The following TTN variants were observed in gnomAD, a reference collection of about 807,000 sequenced individuals.
TTN encodes titin.
TTN carries 1,525 observed loss-of-function variants against 3,223.0 expected under a neutral mutation model. That is an observed-to-expected ratio of 0.47 (90% confidence interval 0.45 to 0.49). The LOEUF is 0.49. Ranked by LOEUF, TTN falls within the 20% of genes least tolerant of loss-of-function variation. TTN has a pLI of 0.00. For missense variants in TTN, 40,786 were observed against 43,424.0 expected (o/e 0.94, Z 5.40); for synonymous variants, 14,094 against 15,161.0 (o/e 0.93, Z 5.17).
In TTN at chr2:178,563,462, T is replaced by C. The variant is rs1704429643; in HGVS notation, c.82670A>G (p.Glu27557Gly). 1 of 1,613,478 alleles carries C rather than the reference T, an allele frequency of 6.2e-7. No homozygotes were observed. Among genetic ancestry groups the C allele is most frequent in the Admixed American group, 1.7e-5 (1 of 59,950 alleles). ...ENAAGVGEPSEPSVFYRACDA... is the reference protein window; with the variant it reads ...ENAAGVGEPSGPSVFYRACDA... ...ACACGCACGGTAGAAAACAGATGGCTCACTAGGTTCTCCCACACCAGCTGC... is the reference window on the plus strand; with the variant it reads ...ACACGCACGGTAGAAAACAGATGGCCCACTAGGTTCTCCCACACCAGCTGC... Residue 27557 changes from glutamate (E) to glycine (G), a missense_variant, in exon 326 of 363, where the codon GAG becomes GGG. By Grantham distance (98) the Glu-to-Gly change is moderately conservative (BLOSUM62 -2). Transcript: ENST00000589042. This position sits in a 1 kb window ranked among gnomAD's most constrained non-coding sequence, Gnocchi z 4.5.
chr2:178,535,896 A>G, intron 357 of TTN, 47 bp from the exon 358 acceptor site: 1 of 1,511,066 alleles, frequency 6.6e-7, no homozygotes, highest in East Asian at 2.3e-5. Context: ...GCAACATCTA[A>G]CAGTATGTGT....
At position 178,535,120 on chromosome 2, in the gene TTN, A is replaced by AT. The variant is rs1559044465; in HGVS notation, c.101494dup (p.Ile33832AsnfsTer7). 6.2e-7 allele frequency: 1 copy of AT among 1,613,842 alleles called. No individual in the cohort carries two copies. Among genetic ancestry groups the AT allele is most frequent in the Non-Finnish European group, 8.5e-7 (1 of 1,179,858 alleles). On this transcript the variant is annotated frameshift_variant, in exon 358 of 363. Coordinates refer to ENST00000589042, the MANE Select transcript of TTN (RefSeq NM_001267550.2). LOFTEE classifies it high-confidence loss of function. ...GGATGTTTCAACACAACGATGGACA[A>AT]TTCCAAACTCACCACGCCCAAGATC...
rs1396734649 is a variant in TTN, at chr2:178,530,693, CA to C, written c.105921del (p.Glu35308LysfsTer5). ...TCTTTTGCCCTTAATACACTGCTTTCAACCACACAGGTCAGTTTTGCAATCT... is the reference window on the plus strand; with the variant it reads ...TCTTTTGCCCTTAATACACTGCTTTCACCACACAGGTCAGTTTTGCAATCT... Reference protein sequence around the residue: ...SKEIAKLTCVVESSVLRAKEV... With the variant: ...SKEIAKLTCVXESSVLRAKEV... On this transcript the variant is annotated frameshift_variant, in exon 358 of 363. Transcript: ENST00000589042. LOFTEE classifies it high-confidence loss of function. 6.2e-7 allele frequency: 1 copy of C among 1,614,002 alleles called. No homozygotes were observed. The highest frequency in any genetic ancestry group is 1.1e-5 in the South Asian group (1 of 91,086).
At chr2:178,784,458 T>A in intron 15 of TTN, 107 bp from the exon 16 acceptor site, 1 of 1,357,820 alleles carries the variant, frequency 7.4e-7, no homozygotes, top group Non-Finnish European at 1.0e-6. Context: ...TTCTTTAATG[T>A]TCTCATTAGC....
rs1336202751 is a variant in TTN, at chr2:178,551,155, A to G, written c.91376T>C (p.Ile30459Thr). 3.1e-6 allele frequency: 5 copies of G among 1,613,574 alleles called. No individual in the cohort carries two copies. The highest frequency in any genetic ancestry group is 1.1e-5 in the South Asian group (1 of 91,070). ...GCGTTCATTTCCTTGCCGTTTCTCAATGCTATAGCCCACAATCTTACTGCC... is the reference window on the plus strand; with the variant it reads ...GCGTTCATTTCCTTGCCGTTTCTCAGTGCTATAGCCCACAATCTTACTGCC... ...DGGSKIVGYS[I>T]EKRQGNERWV... The change falls in exon 336 of 363, where the codon ATT (isoleucine) becomes ACT (threonine). Residue 30459 changes from isoleucine (I) to threonine (T), a missense_variant. Ile to Thr is a moderately conservative substitution (Grantham distance 89, BLOSUM62 -1). Coordinates refer to ENST00000589042, the MANE Select transcript of TTN (RefSeq NM_001267550.2).
intron 316 of TTN, chr2:178,580,878 T>C (rs986673604): frequency 2.2e-5 from 8 of 363,834 alleles, no homozygotes; most frequent in African/African-American, 1.7e-4. Flanking sequence ...TCTGAAATGC[T>C]ACATATATTA....
Position 178,729,436 on chromosome 2 carries a change from T to A in TTN, c.18720A>T (p.Arg6240=), listed in dbSNP as rs201395913. Residue 6240 remains arginine, a synonymous_variant, in exon 64 of 363, where the codon CGA becomes CGT. Coordinates refer to ENST00000589042, the MANE Select transcript of TTN (RefSeq NM_001267550.2). The part of the protein sequence containing the change: ...VTWLKNNREI[R]SSKKYTLTDR... ...CGGTCAATGTGTATTTTTTGCTGCT[T>A]CGAATTTCCCTGTTATTCTTCAGCC... 2.5e-6 allele frequency: 4 copies of A among 1,613,534 alleles called. No individual in the cohort carries two copies. The African/African-American group carries it at 5.3e-5, about 22-fold the overall frequency.
intron 240 of TTN, among the ~76,000 whole-genome samples, chr2:178,628,929 C>T (rs995013260): frequency 1.3e-5 from 2 of 152,066 alleles, no homozygotes; most frequent in East Asian, 3.9e-4. Flanking sequence ...GGATGGAGAG[C>T]GTTAGTCTTA....
Position 178,773,671 on chromosome 2 carries a change from G to A in TTN, c.7385C>T (p.Ala2462Val). 6.2e-7 allele frequency: 1 copy of A among 1,614,010 alleles called. No homozygotes were observed. Residue 2462 changes from alanine (A) to valine (V), a missense_variant, in exon 32 of 363, where the codon GCT becomes GTT. Ala to Val is a moderately conservative substitution (Grantham distance 64). Transcript: ENST00000589042. ...GACTGACACCTTACATTCAAGCACA[G>A]CCTTGGTGCCTTCAATCACATTAAC... The part of the protein sequence containing the change: ...KDVNVIEGTK[A>V]VLECKVSVPD...
At position 178,752,807 on chromosome 2, in the gene TTN, A is replaced by G. The variant is rs80259697; in HGVS notation, c.11311+317T>C. On this transcript the variant is annotated intron_variant, in intron 47 of 362. Transcript: ENST00000589042. ...ACCGTGATTTTGAAAACAAACTTCT[A>G]CTTCATGATTTCATGCATTAAGATG... Among the ~76,000 whole-genome samples the G allele has an allele frequency of 5.6e-3, 847 of 152,184 alleles. 9 individuals carry two copies. The highest frequency in any genetic ancestry group is 0.019 in the African/African-American group (789 of 41,554).
In TTN at chr2:178,533,082, T is replaced by A; in HGVS notation, c.103533A>T (p.Lys34511Asn). 1 of 1,613,906 alleles carries A rather than the reference T, an allele frequency of 6.2e-7. No individual in the cohort carries two copies. Residue 34511 changes from lysine to asparagine, a missense_variant, in exon 358 of 363, where the codon AAA (lysine) becomes AAT (asparagine). Physicochemically the swap from Lys to Asn is moderately conservative, Grantham distance 94 (BLOSUM62 0). Transcript: ENST00000589042. ...TTACAGTCTTGGTGCTTACAGCCGG[T>A]TTATAAAGGACAGCAGCTTCTCTCA... The part of the protein sequence containing the change: ...EALREAAVLY[K>N]PAVSTKTVKG...
intron 62 of TTN, 66 bp downstream of exon 62, chr2:178,730,027 G>GCCCCC: frequency 8.7e-6 from 7 of 803,002 alleles, no homozygotes; most frequent in Non-Finnish European, 1.3e-5. Context: ...AGCGTCCCCC[G>GCCCCC]CCCCGGCCCA....
chr2:178,670,642 T>C (rs1290080678), intron 156 of TTN, among the ~76,000 whole-genome samples: 5 of 151,936 alleles, frequency 3.3e-5, no homozygotes, highest in African/African-American at 1.2e-4. Flanking sequence ...TAAGTTTATA[T>C]TATTTATTAG....
intron 50 of TTN, among the ~76,000 whole-genome samples, 190 bp from the exon 51 acceptor site, chr2:178,735,178 A>G (rs1253802936): frequency 6.6e-6 from 1 of 152,242 alleles, no homozygotes; most frequent in Non-Finnish European, 1.5e-5. Flanking sequence ...TTGATTTAAA[A>G]TAAAACAACA....
At chr2:178,804,703 T>C (rs538217228) in intron 1 of TTN, 48 bp from the exon 2 acceptor site, 1 of 1,551,444 alleles carries the variant, frequency 6.4e-7, no homozygotes, top group East Asian at 2.3e-5. Flanking sequence ...TAAGGGTCAC[T>C]CTGGAGCTGC....
chr2:178,547,317 CAAAG>C lies in TTN; in HGVS notation c.94220-16_94220-13del, dbSNP rs1697636034. 1 of 1,592,624 alleles carries C rather than the reference CAAAG, an allele frequency of 6.3e-7. No homozygotes were observed. Among genetic ancestry groups the C allele is most frequent in the African/African-American group, 1.4e-5 (1 of 73,814 alleles). ...AGCGCTTGGTGGGACTAAATATAAA[CAAAG>C]GTATTAAGTATGAATACAATTTTAT... is the stretch of plus-strand genomic sequence containing the variant. On this transcript the variant is annotated splice_polypyrimidine_tract_variant and intron_variant, in intron 339 of 362. Transcript: ENST00000589042.
rs1423145696 is a variant in TTN at position 178,531,413 on chromosome 2, T to C, written c.105202A>G (p.Lys35068Glu). 1 of 1,614,010 alleles carries C rather than the reference T, an allele frequency of 6.2e-7. No homozygotes were observed. Among genetic ancestry groups the C allele is most frequent in the Non-Finnish European group, 8.5e-7 (1 of 1,179,894 alleles). ...RTEAYAVSSFKKTSEMEASSS... is the reference protein window; with the variant it reads ...RTEAYAVSSFEKTSEMEASSS... Reference sequence around the variant, plus strand: ...GAAGCTTCCATCTCAGATGTTTTCTTAAATGATGAAACAGCATACGCCTCT... The same window carrying C: ...GAAGCTTCCATCTCAGATGTTTTCTCAAATGATGAAACAGCATACGCCTCT... The change falls in exon 358 of 363, where the codon AAG becomes GAG. Residue 35068 changes from lysine (K) to glutamate (E), a missense_variant. Physicochemically the swap from Lys to Glu is moderately conservative, Grantham distance 56. Coordinates refer to ENST00000589042, the MANE Select transcript of TTN (RefSeq NM_001267550.2).
In TTN at chr2:178,566,201, T is replaced by G; in HGVS notation, c.79931A>C (p.Asn26644Thr). The change falls in exon 326 of 363, where the codon AAC becomes ACC. Residue 26644 changes from asparagine to threonine, a missense_variant. Physicochemically the swap from Asn to Thr is moderately conservative, Grantham distance 65. Transcript: ENST00000589042. ...TDKVQIEKGV[N>T]YTQLSIDNCD... is the part of the protein sequence containing the mutation. ...GTTATCTATTGATAGTTGGGTATAG[T>G]TTACTCCCTTTTCAATTTGGACCTT... is the stretch of plus-strand genomic sequence containing the variant. The G allele has an allele frequency of 6.2e-7, 1 of 1,613,678 alleles. No homozygotes were observed. The highest frequency in any genetic ancestry group is 2.2e-5 in the East Asian group (1 of 44,836).
intron 6 of TTN, among the ~76,000 whole-genome samples, chr2:178,797,671 T>C (rs1193723400): frequency 2.0e-5 from 3 of 152,154 alleles, no homozygotes; most frequent in African/African-American, 7.2e-5. Flanking sequence ...GTAGCCATTT[T>C]ATGTTTATTG....
Sources: allele counts gnomAD v4.1 joint callset (sites outside exome capture counted in the v4.1 genomes callset), GRCh38; gene constraint gnomAD v4.1.1; non-coding constraint Gnocchi (gnomAD v3.1); transcripts MANE v1.5; gene names NCBI Gene and HGNC (gene_info 2026-07-23, HGNC 2026-07-21).